NUMBL: variants seen among roughly 807,000 people sequenced by gnomAD.
NUMBL encodes the protein numb-like protein.
A neutral mutation model predicts 48.9 loss-of-function variants in NUMBL; 20 were observed. That is an observed-to-expected ratio of 0.41 (90% CI 0.29 to 0.59). NUMBL has a LOEUF of 0.59. NUMBL is among the 20% of genes least tolerant of loss of function. The pLI is 0.31. For missense variants in NUMBL, 660 were observed against 846.2 expected, an observed-to-expected ratio of 0.78 and a Z score of 2.73; for synonymous variants, 340 against 348.7, an observed-to-expected ratio of 0.98 and a Z score of 0.28.
chr19:40,675,142 CAAAA>C (rs71334931), intron 7 of NUMBL, among the ~76,000 whole-genome samples: 2 of 29,794 alleles, frequency 6.7e-5, no homozygotes, highest in African/African-American at 2.4e-4. Context: ...GACTCTGTCT[CAAAA>C]AAAAAAAAAA....
At chr19:40,681,099 C>T in intron 5 of NUMBL, 42 bp from the exon 6 acceptor site, 1 of 1,599,480 alleles carries the variant, frequency 6.3e-7, no homozygotes. Flanking sequence ...TGTGAACTCT[C>T]TTTCAAGTGT....
intron 8 of NUMBL, among the ~76,000 whole-genome samples, chr19:40,672,417 C>T (rs2081853191): frequency 6.6e-6 from 1 of 152,216 alleles, no homozygotes; most frequent in Non-Finnish European, 1.5e-5. Context: ...TACCACCAGC[C>T]ATGGCAGACA....
chr19:40,674,325 T>C (rs2081863721), intron 7 of NUMBL, among the ~76,000 whole-genome samples: 1 of 152,194 alleles, frequency 6.6e-6, no homozygotes. Context: ...AGACATGGCT[T>C]GGATGCTTCA....
rs1406969542 is a variant in NUMBL, at chr19:40,684,402, GC to G, written c.249+14del. Reference sequence around the variant, plus strand: ...CGTCCCCCTCGCCCCGCCGCACCCTGCCGCGCCCACTCACCCTGACCGGGAA... The same window carrying G: ...CGTCCCCCTCGCCCCGCCGCACCCTGCGCGCCCACTCACCCTGACCGGGAA... On this transcript the variant is annotated intron_variant, in intron 3 of 9. Coordinates refer to ENST00000252891, the MANE Select transcript of NUMBL (RefSeq NM_004756.5). 8 of 1,549,532 alleles carry G rather than the reference GC, an allele frequency of 5.2e-6. No individual in the cohort carries two copies. Among genetic ancestry groups the G allele is most frequent in the Non-Finnish European group, 6.9e-6 (8 of 1,152,616 alleles).
chr19:40,670,504 G>A (rs148143413), intron 8 of NUMBL, among the ~76,000 whole-genome samples: 92 of 152,172 alleles, frequency 6.0e-4, no homozygotes, highest in African/African-American at 2.1e-3. Flanking sequence ...ATACACCTGT[G>A]CCAGCAAGGC....
intron 2 of NUMBL, 45 bp downstream of exon 2, chr19:40,686,866 C>T (rs796979912): frequency 8.3e-7 from 1 of 1,201,012 alleles, no homozygotes. Context: ...TTAGGCAAGA[C>T]CACATACCCA....
At chr19:40,681,859 G>A (rs1453512644) in intron 5 of NUMBL, among the ~76,000 whole-genome samples, 1 of 151,956 alleles carries the variant, frequency 6.6e-6, no homozygotes, top group African/African-American at 2.4e-5. Flanking sequence ...TTTTAGTAGA[G>A]GTGGGGTTTC....
Position 40,673,729 on chromosome 19 carries a change from T to C in NUMBL, c.731-80A>G. 1 of 1,342,426 alleles carries C rather than the reference T, an allele frequency of 7.4e-7. No individual in the cohort carries two copies. The highest frequency in any genetic ancestry group is 1.5e-5 in the African/African-American group (1 of 67,880). 83.2% of individuals were successfully genotyped at this position (1,342,426 alleles called of 1,614,324 possible). A position where few individuals can be genotyped will look rare whatever the true frequency, so the allele number is the denominator to read the frequency against. ...TCTCCCACCTGGTTCTCTTGATCAT[T>C]CTCCAAGGCTGCCTTCCTTGCCCAG... On this transcript the variant is annotated intron_variant, in intron 7 of 9. Coordinates refer to ENST00000252891, the MANE Select transcript of NUMBL (RefSeq NM_004756.5). The surrounding 1 kb of genome is among the most constrained non-coding windows in gnomAD (Gnocchi z 5.9).
At chr19:40,690,391 C>T in intron 1 of NUMBL, 69 bp downstream of exon 1, 2 of 979,760 alleles carry the variant, frequency 2.0e-6, no homozygotes, top group African/African-American at 1.7e-5. Context: ...CCGCGGCCGC[C>T]TCCCACCCTC....
In NUMBL at chr19:40,681,183, CCCT is replaced by C. The variant is rs1279135950; in HGVS notation, c.400-129_400-127del. 5.0e-6 allele frequency: 5 copies of C among 1,008,532 alleles called. No individual in the cohort carries two copies. In the Admixed American group the frequency reaches 1.0e-4, roughly 21 times the overall value. The allele number at this position is 1,008,532 out of a possible 1,614,324, so 62.5% of individuals were successfully genotyped here. A position where few individuals can be genotyped will look rare whatever the true frequency, so the allele number is the denominator to read the frequency against. On this transcript the variant is annotated intron_variant, in intron 5 of 9. Transcript: ENST00000252891. The stretch of plus-strand genomic sequence containing the variant: ...TGGGGACCCAGCAGTCACTGAGACA[CCCT>C]GTGCCTTGCCTGCAGAGGGCTCCCA...
At position 40,686,996 on chromosome 19, in the gene NUMBL, C is replaced by T; in HGVS notation, c.25-1G>A. The T allele has an allele frequency of 6.7e-7, 1 of 1,502,086 alleles. No individual in the cohort carries two copies. Among genetic ancestry groups the T allele is most frequent in the Non-Finnish European group, 8.9e-7 (1 of 1,128,788 alleles). 93.0% of individuals were successfully genotyped at this position (1,502,086 alleles called of 1,614,324 possible). On this transcript the variant is annotated splice_acceptor_variant, in intron 1 of 9. Coordinates refer to ENST00000252891, the MANE Select transcript of NUMBL (RefSeq NM_004756.5). LOFTEE classifies it high-confidence loss of function. ...GCCGCTCAGGCCTCCGGGGTCCGCC[C>T]TGCCCGAGTAGGGGAGGAGAAGGTG...
rs140986186 is a variant in NUMBL, at chr19:40,669,995, G to A, written c.1062C>T (p.Ala354=). ...GTVPEMEPPG[A]GDSDSINALC... is the part of the protein sequence containing the mutation. ...GAGCGTTGATGCTGTCACTGTCGCC[G>A]GCACCAGGAGGCTCCATCTCAGGCA... The change falls in exon 9 of 10, where the codon GCC becomes GCT. Residue 354 remains alanine, a synonymous_variant. Coordinates refer to ENST00000252891, the MANE Select transcript of NUMBL (RefSeq NM_004756.5). 19 of 1,613,666 alleles carry A rather than the reference G, an allele frequency of 1.2e-5. No homozygotes were observed. The highest frequency in any genetic ancestry group is 6.7e-5 in the African/African-American group (5 of 74,894).
At chr19:40,676,491 G>A (rs547219809) in intron 7 of NUMBL, among the ~76,000 whole-genome samples, 1 of 151,954 alleles carries the variant, frequency 6.6e-6, no homozygotes, top group Non-Finnish European at 1.5e-5. Context: ...GGCCAGGCGC[G>A]GTGGCTCACC....
chr19:40,684,656 CAAGAT>C (rs1302259881), intron 2 of NUMBL, 100 bp from the exon 3 acceptor site: 1 of 1,444,358 alleles, frequency 6.9e-7, no homozygotes, highest in African/African-American at 1.4e-5. Flanking sequence ...GGTCAGATAA[CAAGAT>C]AACTGGAAGC....
chr19:40,668,082 G>C lies in NUMBL; in HGVS notation c.1216C>G (p.His406Asp). 9 of 1,601,590 alleles carry C rather than the reference G, an allele frequency of 5.6e-6. No homozygotes were observed. Among genetic ancestry groups the C allele is most frequent in the Non-Finnish European group, 7.7e-6 (9 of 1,174,830 alleles). ...VPPAAAFQPG[H>D]KRTPSEAERW... ...TCAGCCTCTGAAGGTGTCCGCTTGT[G>C]CCCAGGCTGGAAGGCAGCTGCAGGG... is the stretch of plus-strand genomic sequence containing the variant. Residue 406 changes from histidine to aspartate, a missense_variant, in exon 10 of 10, where the codon CAC becomes GAC. Transcript: ENST00000252891.
In NUMBL at chr19:40,670,016, A is replaced by G. The variant is rs1442345688; in HGVS notation, c.1041T>C (p.Pro347=). 6.2e-7 allele frequency: 1 copy of G among 1,613,476 alleles called. No homozygotes were observed. The highest frequency in any genetic ancestry group is 8.5e-7 in the Non-Finnish European group (1 of 1,179,782). The change falls in exon 9 of 10, where the codon CCT becomes CCC. Residue 347 remains proline, a synonymous_variant. Transcript: ENST00000252891. ...CGCCGGCACCAGGAGGCTCCATCTCAGGCACTGGGAAGCAGGGCAGGACAG... is the reference window on the plus strand; with the variant it reads ...CGCCGGCACCAGGAGGCTCCATCTCGGGCACTGGGAAGCAGGGCAGGACAG... ...RTDFQVKGTV[P]EMEPPGAGDS...
chr19:40,670,104 CCT>C, intron 8 of NUMBL, 84 bp from the exon 9 acceptor site: 1 of 1,516,368 alleles, frequency 6.6e-7, no homozygotes, highest in South Asian at 1.3e-5. Context: ...CCTCGGTGGC[CCT>C]CTCTTCTGAC....
intron 7 of NUMBL, among the ~76,000 whole-genome samples, chr19:40,674,526 G>A (rs886393583): frequency 2.0e-5 from 3 of 152,070 alleles, no homozygotes; most frequent in Middle Eastern, 3.2e-3. Context: ...GGGCCTCCCC[G>A]AGCTGCAGCC....
At chr19:40,674,281 C>T (rs146508040) in intron 7 of NUMBL, among the ~76,000 whole-genome samples, 1 of 152,218 alleles carries the variant, frequency 6.6e-6, no homozygotes, top group Admixed American at 6.5e-5. Context: ...CTTCTTCCCA[C>T]CTCAAGTAGC....
Sources: gnomAD v4.1 joint callset for allele counts (sites outside exome capture counted in the v4.1 genomes callset) on GRCh38, gnomAD v4.1.1 for gene constraint, Gnocchi (gnomAD v3.1) non-coding constraint, MANE v1.5 for transcripts, NCBI Gene and HGNC (gene_info 2026-07-23, HGNC 2026-07-21) for gene names.